The following ARMC3 variants were observed in gnomAD, a reference collection of about 807,000 sequenced individuals.
ARMC3 encodes the protein armadillo repeat-containing protein 3.
ARMC3 carries 74 observed loss-of-function variants against 90.3 expected under a neutral mutation model. The ratio of observed to expected loss-of-function variants is 0.82; its 90% CI spans 0.68 to 0.99. The LOEUF (loss-of-function observed/expected upper bound fraction) is 0.99. Among genes scored for constraint, ARMC3 ranks in the 50% least tolerant of loss-of-function variants. ARMC3 has a pLI of 0.00. For synonymous variants in ARMC3, 334 were observed against 361.8 expected, an observed-to-expected ratio of 0.92 and a Z score of 0.87; for missense variants, 958 against 1,042.8, an observed-to-expected ratio of 0.92 and a Z score of 1.12.
rs562852113 is a variant in ARMC3, at chr10:22,950,247, C to A, written c.166+3986C>A. The stretch of plus-strand genomic sequence containing the variant: ...AACATATATGTTTTGTTATTTGAAT[C>A]ACTTCAAAAGCAAATTTATTAAACA... On this transcript the variant is annotated intron_variant, in intron 3 of 18. Transcript: ENST00000298032. Among the ~76,000 whole-genome samples the A allele has an allele frequency of 2.2e-3, 333 of 152,084 alleles. 1 individual carries two copies. The highest frequency in any genetic ancestry group is 3.9e-3 in the Non-Finnish European group (264 of 67,958).
At chr10:22,981,552 T>C (rs748466523) in intron 9 of ARMC3, 43 bp from the exon 10 acceptor site, 6 of 1,613,248 alleles carry the variant, frequency 3.7e-6, no homozygotes, top group Non-Finnish European at 3.4e-6. Context: ...TTAGTGCACA[T>C]GGGCATTTTA....
At chr10:22,959,229 G>T (rs1835087544) in intron 5 of ARMC3, 91 bp downstream of exon 5, 2 of 1,388,884 alleles carry the variant, frequency 1.4e-6, no homozygotes, top group African/African-American at 2.9e-5. Flanking sequence ...ATGAAATATT[G>T]TAAAGTGTTA....
chr10:23,010,801 C>G (rs1837947078), intron 16 of ARMC3, among the ~76,000 whole-genome samples: 1 of 118,290 alleles, frequency 8.5e-6, no homozygotes, highest in Admixed American at 8.8e-5. Context: ...CTCCTTTGCT[C>G]TCTCTCCCTG....
At chr10:22,957,229 G>A (rs1294851620) in intron 4 of ARMC3, among the ~76,000 whole-genome samples, 1 of 152,174 alleles carries the variant, frequency 6.6e-6, no homozygotes, top group Non-Finnish European at 1.5e-5. Context: ...ATGACAGTGA[G>A]GCCTCCTTAT....
chr10:22,986,123 G>A (rs1426115308), intron 10 of ARMC3, among the ~76,000 whole-genome samples: 1 of 62,134 alleles, frequency 1.6e-5, no homozygotes, highest in Non-Finnish European at 3.0e-5. Context: ...CCCCCCCCGC[G>A]CCACACACCA....
chr10:23,029,372 CA>C (rs1838830439), intron 16 of ARMC3, among the ~76,000 whole-genome samples: 1 of 152,138 alleles, frequency 6.6e-6, no homozygotes, highest in Non-Finnish European at 1.5e-5. Flanking sequence ...TCAGAGTCCT[CA>C]AACAGCTGTT....
intron 13 of ARMC3, among the ~76,000 whole-genome samples, chr10:23,005,756 C>T (rs1012488026): frequency 2.0e-5 from 3 of 151,882 alleles, no homozygotes; most frequent in Non-Finnish European, 4.4e-5. Context: ...CCCAACTACT[C>T]GAGAGGCTGA....
chr10:22,998,337 G>T lies in ARMC3; in HGVS notation c.1365G>T (p.Val455=). The change falls in exon 11 of 19, where the codon GTG becomes GTT. Residue 455 remains valine, a synonymous_variant. Coordinates refer to ENST00000298032, the MANE Select transcript of ARMC3 (RefSeq NM_173081.5). ...ISPLRSANTV[V]QSKAALAVTA... is the part of the protein sequence containing the mutation. ...CACTGCGTTCTGCAAACACAGTCGT[G>T]CAGAGCAAAGCTGCTCTCGCTGTCA... 1 of 1,613,886 alleles carries T rather than the reference G, an allele frequency of 6.2e-7. No individual in the cohort carries two copies. The highest frequency in any genetic ancestry group is 8.5e-7 in the Non-Finnish European group (1 of 1,179,916).
intron 10 of ARMC3, among the ~76,000 whole-genome samples, chr10:22,992,039 GA>G (rs1432432445): frequency 6.6e-6 from 1 of 152,198 alleles, no homozygotes; most frequent in Non-Finnish European, 1.5e-5. Context: ...ATGCAAAAGA[GA>G]GTTGTTTTTT....
Position 23,037,354 on chromosome 10 carries a change from G to C in ARMC3, c.2494G>C (p.Asp832His), listed in dbSNP as rs200457250. 16 of 1,613,932 alleles carry C rather than the reference G, an allele frequency of 9.9e-6. No individual in the cohort carries two copies. Among genetic ancestry groups the C allele is most frequent in the South Asian group, 6.6e-5 (6 of 91,064 alleles). Residue 832 changes from aspartate to histidine, a missense_variant, in exon 19 of 19, where the codon GAC becomes CAC. Asp to His is a moderately conservative substitution (Grantham distance 81). Coordinates refer to ENST00000298032, the MANE Select transcript of ARMC3 (RefSeq NM_173081.5). ...RAWNEVMLQN[D>H]SRKGVIGGLP... ...GTGGAATGAAGTCATGCTGCAGAAT[G>C]ACTCTCGGAAGGGAGTGATTGGGGG...
At chr10:22,984,879 C>A (rs1383153668) in intron 10 of ARMC3, among the ~76,000 whole-genome samples, 1 of 150,270 alleles carries the variant, frequency 6.7e-6, no homozygotes, top group East Asian at 1.9e-4. Flanking sequence ...TCTCAACCTT[C>A]TGTTTTTTTT....
At chr10:22,995,144 G>A (rs751632632) in intron 10 of ARMC3, among the ~76,000 whole-genome samples, 6 of 152,110 alleles carry the variant, frequency 3.9e-5, no homozygotes, top group Admixed American at 6.5e-5. Flanking sequence ...AATATGACAG[G>A]CTTCAGCTTG....
In ARMC3 at chr10:23,003,415, G is replaced by A; in HGVS notation, c.1731+1G>A. The A allele has an allele frequency of 6.3e-7, 1 of 1,585,654 alleles. No homozygotes were observed. Among genetic ancestry groups the A allele is most frequent in the Non-Finnish European group, 8.6e-7 (1 of 1,166,374 alleles). On this transcript the variant is annotated splice_donor_variant, in intron 13 of 18. Coordinates refer to ENST00000298032, the MANE Select transcript of ARMC3 (RefSeq NM_173081.5). LOFTEE classifies it high-confidence loss of function. Reference sequence around the variant, plus strand: ...CGATGGATTCTATGATTATGGTCGGGTAAGTGACAGCATTTATTTGTAGTT... The same window carrying A: ...CGATGGATTCTATGATTATGGTCGGATAAGTGACAGCATTTATTTGTAGTT...
At chr10:22,995,112 A>C (rs1173606717) in intron 10 of ARMC3, among the ~76,000 whole-genome samples, 2 of 152,226 alleles carry the variant, frequency 1.3e-5, no homozygotes, top group East Asian at 3.8e-4. Context: ...ACTATTTGGG[A>C]AACCAAAATA....
Position 22,955,887 on chromosome 10 carries a change from G to A in ARMC3, c.247G>A (p.Val83Ile), listed in dbSNP as rs1229437475. ...TKLLTHEDKI[V>I]RRNATMIFGI... The stretch of plus-strand genomic sequence containing the variant: ...GCTACTCACCCATGAAGACAAAATT[G>A]TAAGAAGAAATGCTACTATGATATT... The change falls in exon 4 of 19, where the codon GTA becomes ATA. Residue 83 changes from valine to isoleucine, a missense_variant. Transcript: ENST00000298032. 6.2e-7 allele frequency: 1 copy of A among 1,611,766 alleles called. No homozygotes were observed. Among genetic ancestry groups the A allele is most frequent in the East Asian group, 2.2e-5 (1 of 44,854 alleles).
At chr10:22,936,224 A>T (rs1228463357) in intron 2 of ARMC3, among the ~76,000 whole-genome samples, 1 of 152,190 alleles carries the variant, frequency 6.6e-6, no homozygotes, top group East Asian at 1.9e-4. Flanking sequence ...TGGGAGGCTG[A>T]GGCGGGAGGA....
Position 23,037,299 on chromosome 10 carries a change from C to A in ARMC3, c.2439C>A (p.Cys813Ter). ...TGGCTGATAGAATTGGCATTGGTTGCTCCCTAGTTCGCGGAGAGTACGGTA... is the reference window on the plus strand; with the variant it reads ...TGGCTGATAGAATTGGCATTGGTTGATCCCTAGTTCGCGGAGAGTACGGTA... ...KALADRIGIG[C>*]SLVRGEYGRA... Residue 813 changes from cysteine (C) to a stop codon, truncating the protein, a stop_gained, in exon 19 of 19, where the codon TGC (cysteine) becomes TGA (stop). Transcript: ENST00000298032. LOFTEE classifies it low-confidence loss of function (END_TRUNC). The A allele has an allele frequency of 6.2e-7, 1 of 1,603,824 alleles. No homozygotes were observed. The highest frequency in any genetic ancestry group is 8.5e-7 in the Non-Finnish European group (1 of 1,172,874).
At chr10:23,022,819 G>A (rs1280189554) in intron 16 of ARMC3, among the ~76,000 whole-genome samples, 1 of 152,156 alleles carries the variant, frequency 6.6e-6, no homozygotes, top group Non-Finnish European at 1.5e-5. Flanking sequence ...CCCACCCAGA[G>A]ATACTGGAGT....
intron 3 of ARMC3, among the ~76,000 whole-genome samples, chr10:22,951,807 A>G (rs1385430087): frequency 6.6e-6 from 1 of 152,224 alleles, no homozygotes; most frequent in Non-Finnish European, 1.5e-5. Context: ...TCAAACCAGT[A>G]ATCTCAGCTT....
Sources: gnomAD v4.1 joint callset for allele counts (sites outside exome capture counted in the v4.1 genomes callset) on GRCh38, gnomAD v4.1.1 for gene constraint, MANE v1.5 for transcripts, NCBI Gene and HGNC (gene_info 2026-07-23, HGNC 2026-07-21) for gene names.